MAD1L1: variants seen among roughly 807,000 people sequenced by gnomAD.
The protein encoded by MAD1L1 is mitotic arrest deficient 1 like 1, also known as mitotic spindle assembly checkpoint protein MAD1.
MAD1L1 carries 95 observed loss-of-function variants against 96.9 expected under a neutral mutation model. The ratio of observed to expected loss-of-function variants is 0.98; its 90% CI spans 0.83 to 1.16. The LOEUF is 1.16. Among genes scored for constraint, MAD1L1 ranks in the 50% most tolerant of loss-of-function variants. The probability of loss-of-function intolerance (pLI) is 0.00; values close to 1 mark genes in which losing one functional copy is unlikely to be tolerated. For missense variants in MAD1L1, 1,007 were observed against 954.4 expected, an observed-to-expected ratio of 1.06 and a Z score of -0.73; for synonymous variants, 473 against 396.6, an observed-to-expected ratio of 1.19 and a Z score of -2.29.
At chr7:2,163,619 C>T (rs984637876) in intron 10 of MAD1L1, among the ~76,000 whole-genome samples, 13 of 152,132 alleles carry the variant, frequency 8.5e-5, no homozygotes, top group African/African-American at 2.4e-4. Flanking sequence ...ATGATCCGCC[C>T]GCCTTGGCCT....
At chr7:1,950,075 C>G (rs1779417389) in intron 16 of MAD1L1, among the ~76,000 whole-genome samples, 1 of 97,630 alleles carries the variant, frequency 1.0e-5, no homozygotes, top group Non-Finnish European at 2.4e-5. Flanking sequence ...GCAGAGACTA[C>G]TAGACGATCT....
rs866289508 is a variant in MAD1L1 at position 1,937,698 on chromosome 7, A to C, written c.1597-801T>G. On this transcript the variant is annotated intron_variant, in intron 16 of 18. Transcript: ENST00000265854. ...CGCCACACACAAACATCAGCCGCCC[A>C]CAGCAGGGAGGTGCAGGGTCACTGC... Among the ~76,000 whole-genome samples, 204 of 123,576 alleles carry C rather than the reference A, an allele frequency of 1.7e-3. No homozygotes were observed. In the South Asian group the frequency reaches 0.02, roughly 12 times the overall value. 81.1% of individuals were successfully genotyped at this position (123,576 alleles called of 152,430 possible).
At chr7:1,826,516 A>AG (rs1421471092) in intron 18 of MAD1L1, among the ~76,000 whole-genome samples, 1 of 152,184 alleles carries the variant, frequency 6.6e-6, no homozygotes, top group African/African-American at 2.4e-5. Context: ...CCAGAGGTCC[A>AG]GGTTTGACCC....
At chr7:2,221,084 A>G (rs2115006616) in intron 5 of MAD1L1, 6 of 1,541,298 alleles carry the variant, frequency 3.9e-6, no homozygotes, top group Non-Finnish European at 5.3e-6. Flanking sequence ...AGGAGCGGCC[A>G]CCTCGGCTTA....
chr7:2,089,725 C>G (rs1786111996), intron 11 of MAD1L1, among the ~76,000 whole-genome samples: 1 of 151,340 alleles, frequency 6.6e-6, no homozygotes, highest in Non-Finnish European at 1.5e-5. Context: ...ACACCTGTCC[C>G]CGGGGCCCAC....
At position 1,936,915 on chromosome 7, in the gene MAD1L1, G is replaced by T. The variant is rs752707543; in HGVS notation, c.1597-18C>A. 1 of 1,565,390 alleles carries T rather than the reference G, an allele frequency of 6.4e-7. No individual in the cohort carries two copies. Among genetic ancestry groups the T allele is most frequent in the East Asian group, 2.3e-5 (1 of 43,078 alleles). The stretch of plus-strand genomic sequence containing the variant: ...TAGTCACCCTGCAGGAACACACACA[G>T]CACAGGTCACCATGGCCCAGGCACA... On this transcript the variant is annotated intron_variant, in intron 16 of 18. Transcript: ENST00000265854.
At chr7:1,890,379 T>C (rs1300958875) in intron 18 of MAD1L1, among the ~76,000 whole-genome samples, 1 of 152,188 alleles carries the variant, frequency 6.6e-6, no homozygotes, top group Non-Finnish European at 1.5e-5. Flanking sequence ...AGCTGGTTGT[T>C]AGAAGGAGCC....
At chr7:2,148,710 G>C (rs1274219101) in intron 11 of MAD1L1, 8 of 167,434 alleles carry the variant, frequency 4.8e-5, no homozygotes, top group African/African-American at 1.9e-4. Flanking sequence ...CTGAGTGAGG[G>C]GCATGTCTCT....
intron 18 of MAD1L1, among the ~76,000 whole-genome samples, chr7:1,862,396 T>C (rs1330255282): frequency 6.6e-6 from 1 of 152,208 alleles, no homozygotes; most frequent in African/African-American, 2.4e-5. Context: ...CCTCCTCATG[T>C]CCCTGTCCTG....
At chr7:1,931,674 C>T (rs1486465014) in intron 17 of MAD1L1, among the ~76,000 whole-genome samples, 1 of 149,930 alleles carries the variant, frequency 6.7e-6, no homozygotes, top group African/African-American at 2.4e-5. Flanking sequence ...TCTCCCTCCT[C>T]CTGGTCCCCT....
chr7:2,191,068 G>C (rs1791693365), intron 10 of MAD1L1, among the ~76,000 whole-genome samples: 1 of 152,148 alleles, frequency 6.6e-6, no homozygotes, highest in African/African-American at 2.4e-5. Flanking sequence ...TAAAAATTAT[G>C]GTATATCCGT....
At chr7:1,941,271 G>A (rs1314475358) in intron 16 of MAD1L1, among the ~76,000 whole-genome samples, 1 of 152,186 alleles carries the variant, frequency 6.6e-6, no homozygotes, top group Non-Finnish European at 1.5e-5. Context: ...AGGAACGAGA[G>A]CCAGAGGCAC....
At chr7:2,215,029 C>G (rs1793186879) in intron 9 of MAD1L1, among the ~76,000 whole-genome samples, 2 of 152,176 alleles carry the variant, frequency 1.3e-5, no homozygotes, top group African/African-American at 4.8e-5. Context: ...CCCAGGAGTT[C>G]AGGACCAGCC....
At chr7:2,056,141 T>C (rs1359852850) in intron 12 of MAD1L1, among the ~76,000 whole-genome samples, 2 of 152,204 alleles carry the variant, frequency 1.3e-5, no homozygotes, top group African/African-American at 2.4e-5. Flanking sequence ...GGGAACATGA[T>C]GACTGTCTGA....
chr7:1,894,871 G>T (rs1050968445), intron 18 of MAD1L1, among the ~76,000 whole-genome samples: 4 of 152,110 alleles, frequency 2.6e-5, no homozygotes, highest in African/African-American at 9.7e-5. Context: ...AGCCTAGGGA[G>T]AAATGGAGCA....
chr7:2,040,371 C>T (rs185106991), intron 12 of MAD1L1, among the ~76,000 whole-genome samples: 2 of 152,272 alleles, frequency 1.3e-5, no homozygotes, highest in Admixed American at 6.5e-5. Flanking sequence ...CCACCGGCAC[C>T]GGGGACTTTG....
chr7:2,225,679 GC>G, intron 3 of MAD1L1, 129 bp from the exon 4 acceptor site: 2 of 1,019,994 alleles, frequency 2.0e-6, no homozygotes, highest in Non-Finnish European at 2.8e-6. Flanking sequence ...TCTTGATGTG[GC>G]CCAGCCACTG....
chr7:2,053,783 T>A (rs1286113880), intron 12 of MAD1L1, among the ~76,000 whole-genome samples: 1 of 152,166 alleles, frequency 6.6e-6, no homozygotes, highest in African/African-American at 2.4e-5. Context: ...GACCGAGCTC[T>A]CCAAGTGTGA....
chr7:2,046,941 T>C (rs1210127940), intron 12 of MAD1L1, among the ~76,000 whole-genome samples: 2 of 152,182 alleles, frequency 1.3e-5, no homozygotes, highest in Non-Finnish European at 1.5e-5. Context: ...CAACACCCCC[T>C]GGGCTGAGCG....
Sources: allele counts gnomAD v4.1 joint callset (sites outside exome capture counted in the v4.1 genomes callset), GRCh38; gene constraint gnomAD v4.1.1; transcripts MANE v1.5; gene names NCBI Gene and HGNC (gene_info 2026-07-23, HGNC 2026-07-21).